The following EPHA6 variants were observed in gnomAD, a reference collection of about 807,000 sequenced individuals.
The protein encoded by EPHA6 is EPH receptor A6.
Under a neutral mutation model 112.0 loss-of-function variants are expected in EPHA6, and 50 were observed. The observed-to-expected ratio is 0.45, with a 90% confidence interval of 0.36 to 0.56. EPHA6 has a LOEUF of 0.56. EPHA6 is among the 20% of genes least tolerant of loss of function. The pLI, the probability that EPHA6 is intolerant of heterozygous loss-of-function variation, is 0.00. For synonymous variants in EPHA6, 529 were observed against 490.7 expected, an observed-to-expected ratio of 1.08 and a Z score of -1.03; for missense variants, 1,280 against 1,417.4, an observed-to-expected ratio of 0.90 and a Z score of 1.56.
At chr3:97,554,444 C>A (rs2093073711) in intron 11 of EPHA6, among the ~76,000 whole-genome samples, 1 of 152,002 alleles carries the variant, frequency 6.6e-6, no homozygotes, top group African/African-American at 2.4e-5. Context: ...ACAGCTATTT[C>A]TTTTAGGTTT....
chr3:97,130,255 C>T (rs901584516), intron 3 of EPHA6, among the ~76,000 whole-genome samples: 6 of 151,956 alleles, frequency 3.9e-5, no homozygotes, highest in African/African-American at 1.4e-4. Context: ...CATTCTCTTA[C>T]CATCTCGGGG....
chr3:97,221,622 T>G (rs1268139476), intron 3 of EPHA6, among the ~76,000 whole-genome samples: 1 of 152,104 alleles, frequency 6.6e-6, no homozygotes, highest in African/African-American at 2.4e-5. Context: ...ATAACCCAAT[T>G]CTAACAAAAC....
At chr3:97,125,966 T>A (rs1452816527) in intron 3 of EPHA6, among the ~76,000 whole-genome samples, 1 of 152,178 alleles carries the variant, frequency 6.6e-6, no homozygotes, top group Non-Finnish European at 1.5e-5. Flanking sequence ...GAGGCACACA[T>A]CCCACTGTGC....
chr3:96,964,931 A>C (rs751831334), intron 2 of EPHA6, among the ~76,000 whole-genome samples: 1 of 152,212 alleles, frequency 6.6e-6, no homozygotes, highest in Non-Finnish European at 1.5e-5. Context: ...GCAATGAACA[A>C]TTCACGAATC....
At chr3:96,932,856 CATA>C (rs1186102473) in intron 2 of EPHA6, among the ~76,000 whole-genome samples, 6 of 152,060 alleles carry the variant, frequency 3.9e-5, no homozygotes, top group Admixed American at 1.3e-4. Context: ...ATATTAATGT[CATA>C]ATAAAACATG....
intron 11 of EPHA6, among the ~76,000 whole-genome samples, chr3:97,539,066 CCCTTCCTTCCTTCCTTCCTT>C (rs747004303): frequency 4.8e-5 from 6 of 124,010 alleles, no homozygotes; most frequent in African/African-American, 9.9e-5. Flanking sequence ...TCTCTTTCTT[CCCTTCCTTCCTTCCTTCCTT>C]CCTTCCTTCC....
intron 3 of EPHA6, among the ~76,000 whole-genome samples, chr3:97,135,151 G>A (rs961976513): frequency 2.0e-5 from 3 of 152,130 alleles, no homozygotes; most frequent in South Asian, 2.1e-4. Flanking sequence ...GAAAATACAC[G>A]TATTTCAGTT....
intron 3 of EPHA6, among the ~76,000 whole-genome samples, chr3:97,009,792 G>T (rs1221018000): frequency 6.6e-6 from 1 of 152,170 alleles, no homozygotes; most frequent in African/African-American, 2.4e-5. Flanking sequence ...AGTTTCCCTG[G>T]CTGGGTAGCA....
chr3:97,202,603 G>C (rs962079654), intron 3 of EPHA6, among the ~76,000 whole-genome samples: 3 of 151,934 alleles, frequency 2.0e-5, no homozygotes, highest in African/African-American at 7.3e-5. Context: ...CAAATTGCTG[G>C]GATTACAGGC....
chr3:97,642,421 C>T (rs1241752512), intron 14 of EPHA6, among the ~76,000 whole-genome samples: 7 of 144,484 alleles, frequency 4.8e-5, no homozygotes, highest in Non-Finnish European at 9.1e-5. Flanking sequence ...TCACCAGCAA[C>T]GGAACAAAGC....
chr3:97,507,515 G>A (rs1288159757), intron 10 of EPHA6, among the ~76,000 whole-genome samples: 1 of 152,248 alleles, frequency 6.6e-6, no homozygotes, highest in Admixed American at 6.5e-5. Context: ...GGGTGAAGCT[G>A]ACTTAATCGT....
At position 97,448,674 on chromosome 3, in the gene EPHA6, C is replaced by T. The variant is rs765808907; in HGVS notation, c.1838C>T (p.Thr613Ile). The T allele has an allele frequency of 2.5e-6, 4 of 1,613,506 alleles. No individual in the cohort carries two copies. Among genetic ancestry groups the T allele is most frequent in the South Asian group, 1.1e-5 (1 of 91,088 alleles). Residue 613 changes from threonine to isoleucine, a missense_variant, in exon 7 of 18, where the codon ACT (threonine) becomes ATT (isoleucine). Thr to Ile is a moderately conservative substitution (Grantham distance 89, BLOSUM62 -1). Coordinates refer to ENST00000389672, the MANE Select transcript of EPHA6 (RefSeq NM_001080448.3). The part of the protein sequence containing the change: ...TKYVFHIRVR[T>I]ATGYSGYSQK... ...TATGTATTTCACATCCGAGTGAGAA[C>T]TGCGACAGGATACAGTGGCTACAGT...
chr3:97,640,221 C>T (rs1053015346), intron 14 of EPHA6, among the ~76,000 whole-genome samples: 6 of 151,768 alleles, frequency 4.0e-5, no homozygotes, highest in African/African-American at 9.7e-5. Flanking sequence ...GAATTTATTA[C>T]GCTGACAGTT....
rs1342195990 is a variant in EPHA6 at position 97,051,818 on chromosome 3, A to G, written c.1114+63825A>G. ...AATTGTTCCAGATTGCAGCCTGGAC[A>G]CTGATTATTCACAACCAAACATAGT... On this transcript the variant is annotated intron_variant, in intron 3 of 17. Coordinates refer to ENST00000389672, the MANE Select transcript of EPHA6 (RefSeq NM_001080448.3). 2.6e-5 allele frequency among the ~76,000 whole-genome samples: 4 copies of G among 152,096 alleles called. No individual in the cohort carries two copies. The East Asian group carries it at 7.7e-4, about 29-fold the overall frequency.
chr3:97,434,379 A>T (rs557239249), intron 6 of EPHA6, among the ~76,000 whole-genome samples: 13 of 151,448 alleles, frequency 8.6e-5, no homozygotes, highest in African/African-American at 2.9e-4. Context: ...TGTTCATATT[A>T]AAAAAAAGTT....
At chr3:97,357,160 A>G (rs1212721268) in intron 5 of EPHA6, among the ~76,000 whole-genome samples, 1 of 152,028 alleles carries the variant, frequency 6.6e-6, no homozygotes, top group Non-Finnish European at 1.5e-5. Context: ...TTCAATCTAT[A>G]TCTTTGGATT....
At chr3:97,626,456 T>C (rs897562780) in intron 13 of EPHA6, among the ~76,000 whole-genome samples, 4 of 151,708 alleles carry the variant, frequency 2.6e-5, no homozygotes, top group South Asian at 2.1e-4. Context: ...TTGTAGAGCA[T>C]GTACAAAAGA....
intron 2 of EPHA6, among the ~76,000 whole-genome samples, chr3:96,908,353 C>T (rs2039044618): frequency 6.6e-6 from 1 of 151,876 alleles, no homozygotes; most frequent in Non-Finnish European, 1.5e-5. Flanking sequence ...GCTGAATAAC[C>T]ACAGAGCTTT....
At chr3:97,645,737 C>G (rs79451168) in intron 14 of EPHA6, among the ~76,000 whole-genome samples, 3,234 of 152,000 alleles carry the variant, frequency 0.021, 53 homozygotes, top group Non-Finnish European at 0.036. Flanking sequence ...AGAAAATTCC[C>G]TTGATACGTA....
Sources: gnomAD v4.1 joint callset for allele counts (sites outside exome capture counted in the v4.1 genomes callset) on GRCh38, gnomAD v4.1.1 for gene constraint, MANE v1.5 for transcripts, NCBI Gene and HGNC (gene_info 2026-07-23, HGNC 2026-07-21) for gene names.